The following CKAP2 variants were observed in gnomAD, a reference collection of about 807,000 sequenced individuals.
The protein encoded by CKAP2 is cytoskeleton associated protein 2, also known as cytoskeleton-associated protein 2.
Under a neutral mutation model 58.4 loss-of-function variants are expected in CKAP2, and 46 were observed. The ratio of observed to expected loss-of-function variants is 0.79; its 90% CI spans 0.62 to 1.01. CKAP2 has a LOEUF of 1.01. CKAP2 is among the 50% of genes least tolerant of loss of function. The pLI is 0.00. For missense variants in CKAP2, 809 were observed against 796.4 expected, an observed-to-expected ratio of 1.02 and a Z score of -0.19; for synonymous variants, 293 against 280.9, an observed-to-expected ratio of 1.04 and a Z score of -0.43.
chr13:52,460,074 C>T (rs1191610805), intron 2 of CKAP2, among the ~76,000 whole-genome samples: 4 of 152,062 alleles, frequency 2.6e-5, no homozygotes, highest in African/African-American at 9.6e-5. Flanking sequence ...GCCCAGGCTG[C>T]TCTCGAACTC....
In CKAP2 at chr13:52,465,445, G is replaced by A; in HGVS notation, c.1456G>A (p.Ala486Thr). 1 of 1,613,384 alleles carries A rather than the reference G, an allele frequency of 6.2e-7. No individual in the cohort carries two copies. Among genetic ancestry groups the A allele is most frequent in the Non-Finnish European group, 8.5e-7 (1 of 1,179,552 alleles). The change falls in exon 6 of 9, where the codon GCC (alanine) becomes ACC (threonine). Residue 486 changes from alanine to threonine, a missense_variant. Ala to Thr is a moderately conservative substitution (Grantham distance 58). This residue lies in a region of CKAP2 where 283 missense variants were observed against 287.6 expected (regional missense o/e 0.98). Transcript: ENST00000258607. ...AAATATTATTGCAATCTATGAGAAA[G>A]CCATTCTGGCAGGGGCTCAGGTAAG... Reference protein sequence around the residue: ...IENIIAIYEKAILAGAQPIEE... With the variant: ...IENIIAIYEKTILAGAQPIEE...
At chr13:52,469,542 A>G (rs1410815464) in intron 7 of CKAP2, among the ~76,000 whole-genome samples, 1 of 152,142 alleles carries the variant, frequency 6.6e-6, no homozygotes, top group Non-Finnish European at 1.5e-5. Flanking sequence ...TTATCTGTAA[A>G]ATACAGATTT....
rs1344166141 is a variant in CKAP2 at position 52,456,553 on chromosome 13, T to C, written c.101T>C (p.Leu34Pro). The C allele has an allele frequency of 2.5e-6, 4 of 1,613,838 alleles. No homozygotes were observed. ...EQRRQKLKEH[L>P]LRRKTLFAYK... ...AGAAGACAAAAACTCAAGGAACATC[T>C]GTTGAGAAGAAAAACGCTTTTTGCA... The change falls in exon 2 of 9, where the codon CTG (leucine) becomes CCG (proline). Residue 34 changes from leucine to proline, a missense_variant. By Grantham distance (98) the Leu-to-Pro change is moderately conservative (BLOSUM62 -3). This residue lies in a region of CKAP2 where 523 missense variants were observed against 492.4 expected (regional missense o/e 1.06). Coordinates refer to ENST00000258607, the MANE Select transcript of CKAP2 (RefSeq NM_018204.5).
In CKAP2 at chr13:52,455,602, C is replaced by T; in HGVS notation, c.46C>T (p.Gln16Ter). 2 of 1,611,778 alleles carry T rather than the reference C, an allele frequency of 1.2e-6. No homozygotes were observed. The highest frequency in any genetic ancestry group is 1.7e-4 in the Middle Eastern group (1 of 6,050). Residue 16 changes from glutamine to a stop codon, truncating the protein, a stop_gained, in exon 1 of 9, where the codon CAG becomes TAG. Transcript: ENST00000258607. LOFTEE classifies it high-confidence loss of function. ...VPQDLQLPPS[Q>*]RAQSAFKEQR... ...CCAGGACCTGCAGCTGCCCCCGAGT[C>T]AGAGGGCGCAGTCCGCATTCAAAGG...
In CKAP2 at chr13:52,469,519, A is replaced by C. The variant is rs923332317; in HGVS notation, c.1546+1172A>C. On this transcript the variant is annotated intron_variant, in intron 7 of 8. Coordinates refer to ENST00000258607, the MANE Select transcript of CKAP2 (RefSeq NM_018204.5). ...TATGCCAGTTGATATGATTTTAGGC[A>C]AAAAATACCCTCTTATCTGTAAAAT... Among the ~76,000 whole-genome samples, 10 of 152,304 alleles carry C rather than the reference A, an allele frequency of 6.6e-5. No homozygotes were observed. The East Asian group carries it at 7.7e-4, about 12-fold the overall frequency.
chr13:52,474,197 A>C, intron 8 of CKAP2, 113 bp downstream of exon 8: 1 of 1,121,058 alleles, frequency 8.9e-7, no homozygotes. Context: ...TTAATATAGA[A>C]ATTTCAGTAC....
Position 52,456,560 on chromosome 13 carries a change from A to C in CKAP2, c.108A>C (p.Arg36Ser), listed in dbSNP as rs1252211771. The change falls in exon 2 of 9, where the codon AGA becomes AGC. Residue 36 changes from arginine (R) to serine (S), a missense_variant. Arg to Ser is a moderately radical substitution (Grantham distance 110). Coordinates refer to ENST00000258607, the MANE Select transcript of CKAP2 (RefSeq NM_018204.5). Reference protein sequence around the residue: ...RRQKLKEHLLRRKTLFAYKQE... With the variant: ...RRQKLKEHLLSRKTLFAYKQE... ...AAAAACTCAAGGAACATCTGTTGAG[A>C]AGAAAAACGCTTTTTGCATACAAGC... 1 of 1,613,754 alleles carries C rather than the reference A, an allele frequency of 6.2e-7. No individual in the cohort carries two copies. Among genetic ancestry groups the C allele is most frequent in the African/African-American group, 1.3e-5 (1 of 74,916 alleles).
In CKAP2 at chr13:52,476,384, A is replaced by G. The variant is rs1958829488; in HGVS notation, c.*1243A>G. The G allele has an allele frequency of 1.3e-5, 2 of 152,230 alleles. No homozygotes were observed. The highest frequency in any genetic ancestry group is 4.8e-5 in the African/African-American group (2 of 41,464). 9.4% of individuals were successfully genotyped at this position (152,230 alleles called of 1,614,324 possible). A position where few individuals can be genotyped will look rare whatever the true frequency, so the allele number is the denominator to read the frequency against. On this transcript the variant is annotated 3_prime_UTR_variant, in exon 9 of 9. Coordinates refer to ENST00000258607, the MANE Select transcript of CKAP2 (RefSeq NM_018204.5). ...TGAAGTTTATTTCAACAGATATTTT[A>G]TGAAATGCAGTTTAACCACAGTGAA...
chr13:52,469,843 G>A (rs777013735), intron 7 of CKAP2, among the ~76,000 whole-genome samples: 17 of 149,360 alleles, frequency 1.1e-4, no homozygotes, highest in African/African-American at 1.5e-4. Context: ...TGATCCACCC[G>A]CCTCGGCCTT....
At position 52,461,824 on chromosome 13, in the gene CKAP2, T is replaced by C. The variant is rs1958588777; in HGVS notation, c.998T>C (p.Leu333Pro). Residue 333 changes from leucine (L) to proline (P), a missense_variant, in exon 4 of 9, where the codon CTG becomes CCG. By Grantham distance (98) the Leu-to-Pro change is moderately conservative. Around this residue, in one of 3 missense-constraint regions of CKAP2, gnomAD observed 523 missense variants for 492.4 expected, o/e 1.06. Transcript: ENST00000258607. ...CCTGCTTCATTGTCTAATGATAAACTGATGGAAAAGTCAGAGCCCGTTGAC... is the reference window on the plus strand; with the variant it reads ...CCTGCTTCATTGTCTAATGATAAACCGATGGAAAAGTCAGAGCCCGTTGAC... Reference protein sequence around the residue: ...ARPASLSNDKLMEKSEPVDQR... With the variant: ...ARPASLSNDKPMEKSEPVDQR... 1.2e-6 allele frequency: 2 copies of C among 1,614,082 alleles called. No individual in the cohort carries two copies. Among genetic ancestry groups the C allele is most frequent in the African/African-American group, 2.7e-5 (2 of 75,040 alleles).
Position 52,455,526 on chromosome 13 carries a change from G to A in CKAP2, c.-31G>A. ...GAGGAAGTTCTATCTTGGCGCTAAA[G>A]CGGAGACGCATCCCCCGACCCGAGG... On this transcript the variant is annotated 5_prime_UTR_variant, in exon 1 of 9. Transcript: ENST00000258607. 1.9e-6 allele frequency: 3 copies of A among 1,612,534 alleles called. No homozygotes were observed. Among genetic ancestry groups the A allele is most frequent in the Non-Finnish European group, 1.7e-6 (2 of 1,179,500 alleles).
rs1958459991 is a variant in CKAP2 at position 52,455,498 on chromosome 13, T to G, written c.-59T>G. Reference sequence around the variant, plus strand: ...GCGGTGCAGACTGCGGCGGCGGTGGTCTGAGGAAGTTCTATCTTGGCGCTA... The same window carrying G: ...GCGGTGCAGACTGCGGCGGCGGTGGGCTGAGGAAGTTCTATCTTGGCGCTA... On this transcript the variant is annotated 5_prime_UTR_variant, in exon 1 of 9. Transcript: ENST00000258607. 6 of 1,600,768 alleles carry G rather than the reference T, an allele frequency of 3.7e-6. No individual in the cohort carries two copies. Among genetic ancestry groups the G allele is most frequent in the Non-Finnish European group, 5.1e-6 (6 of 1,169,250 alleles).
intron 5 of CKAP2, among the ~76,000 whole-genome samples, chr13:52,464,166 T>C (rs764583218): frequency 7.9e-5 from 12 of 152,190 alleles, no homozygotes; most frequent in Non-Finnish European, 1.6e-4. Context: ...ATTTTTTACG[T>C]TCATTACACA....
At chr13:52,462,168 T>A (rs1566100134) in intron 4 of CKAP2, among the ~76,000 whole-genome samples, 195 bp from the exon 5 acceptor site, 1 of 152,222 alleles carries the variant, frequency 6.6e-6, no homozygotes, top group Admixed American at 6.5e-5. Flanking sequence ...TACTTTATAA[T>A]CTCAAATCAA....
At chr13:52,471,239 AAAAG>A (rs1283012997) in intron 7 of CKAP2, among the ~76,000 whole-genome samples, 1 of 152,196 alleles carries the variant, frequency 6.6e-6, no homozygotes, top group African/African-American at 2.4e-5. Context: ...AAATTTCATA[AAAAG>A]ATCTCTCATA....
chr13:52,467,346 A>T (rs1958695338), intron 6 of CKAP2, among the ~76,000 whole-genome samples: 1 of 152,238 alleles, frequency 6.6e-6, no homozygotes, highest in African/African-American at 2.4e-5. Flanking sequence ...AGCATATGAA[A>T]CAAAAATATA....
intron 1 of CKAP2, 120 bp downstream of exon 1, chr13:52,455,746 C>T (rs1168464590): frequency 5.1e-6 from 6 of 1,168,552 alleles, no homozygotes; most frequent in Admixed American, 4.1e-5. Flanking sequence ...TGTGAGATCC[C>T]TGAACGCGGC....
chr13:52,465,053 A>G (rs1222920780), intron 5 of CKAP2, among the ~76,000 whole-genome samples: 2 of 152,218 alleles, frequency 1.3e-5, no homozygotes, highest in Non-Finnish European at 2.9e-5. Flanking sequence ...TCCGCAGACT[A>G]TTCTTACTCA....
At chr13:52,464,575 CAA>C (rs1428871002) in intron 5 of CKAP2, among the ~76,000 whole-genome samples, 41 of 116,828 alleles carry the variant, frequency 3.5e-4, no homozygotes, top group Admixed American at 6.9e-4. Flanking sequence ...AAAAAAAAAA[CAA>C]TCCCATTCAT....
Sources: allele counts gnomAD v4.1 joint callset (sites outside exome capture counted in the v4.1 genomes callset), GRCh38; gene constraint gnomAD v4.1.1; regional missense constraint gnomAD v4.1.1; transcripts MANE v1.5; gene names NCBI Gene and HGNC (gene_info 2026-07-23, HGNC 2026-07-21).